SHB: variants seen among roughly 807,000 people sequenced by gnomAD.
SHB encodes the protein SH2 domain containing adaptor protein B.
In SHB, 20 loss-of-function variants were observed where a neutral mutation model predicts 52.3. The observed-to-expected ratio is 0.38, with a 90% CI of 0.27 to 0.56. The LOEUF is 0.56. SHB is among the 20% of genes least tolerant of loss of function. The pLI, the probability that SHB is intolerant of heterozygous loss-of-function variation, is 0.71. For missense variants in SHB, 825 were observed against 723.3 expected (o/e 1.14, Z -1.61); for synonymous variants, 397 against 316.5 (o/e 1.25, Z -2.70).
intron 3 of SHB, among the ~76,000 whole-genome samples, chr9:37,963,663 G>A (rs761828054): frequency 6.6e-6 from 1 of 152,186 alleles, no homozygotes. Flanking sequence ...CTGAGGTGGA[G>A]AGCCCAGAAG....
At chr9:38,005,920 G>A (rs145848923) in intron 2 of SHB, among the ~76,000 whole-genome samples, 33 of 152,202 alleles carry the variant, frequency 2.2e-4, no homozygotes, top group Non-Finnish European at 3.5e-4. Context: ...GGAATAGTTT[G>A]GGGCCCTCCT....
chr9:38,032,611 C>G (rs9696489), intron 1 of SHB, among the ~76,000 whole-genome samples: 15 of 152,248 alleles, frequency 9.9e-5, no homozygotes, highest in African/African-American at 3.4e-4. Flanking sequence ...CTGCCCTGCC[C>G]GGGCCACACC....
intron 1 of SHB, among the ~76,000 whole-genome samples, chr9:38,042,374 G>A (rs1038499283): frequency 4.6e-5 from 7 of 152,164 alleles, no homozygotes; most frequent in Non-Finnish European, 1.0e-4. Context: ...AATTACTGAG[G>A]AGCAGTGTTG....
intron 2 of SHB, among the ~76,000 whole-genome samples, chr9:37,994,612 T>C (rs145821711): frequency 5.3e-5 from 8 of 152,324 alleles, no homozygotes; most frequent in African/African-American, 1.2e-4. Flanking sequence ...ATCAATTTCA[T>C]GGCGCTGTTT....
intron 1 of SHB, among the ~76,000 whole-genome samples, chr9:38,064,974 A>T (rs951036690): frequency 1.2e-4 from 19 of 152,136 alleles, no homozygotes; most frequent in Admixed American, 4.6e-4. Context: ...AAAAAAAATT[A>T]GCCAGGCGTG....
chr9:38,010,342 T>C (rs1821123307), intron 2 of SHB, among the ~76,000 whole-genome samples: 1 of 152,212 alleles, frequency 6.6e-6, no homozygotes, highest in African/African-American at 2.4e-5. Context: ...CCTCTGAGAA[T>C]TCCTAGGGCT....
At chr9:37,992,099 G>A (rs1820888775) in intron 2 of SHB, among the ~76,000 whole-genome samples, 1 of 152,138 alleles carries the variant, frequency 6.6e-6, no homozygotes, top group South Asian at 2.1e-4. Context: ...GGAAAACACT[G>A]AACAATAAAA....
rs1832126983 is a variant in SHB at position 37,918,286 on chromosome 9, T to C, written c.*1535A>G. Reference sequence around the variant, plus strand: ...GGGTGGGTGGAAAAAGCAGGAGAGCTGAGAAACTCTTAGCCTCATCGGGGC... The same window carrying C: ...GGGTGGGTGGAAAAAGCAGGAGAGCCGAGAAACTCTTAGCCTCATCGGGGC... On this transcript the variant is annotated 3_prime_UTR_variant, in exon 6 of 6. Coordinates refer to ENST00000377707, the MANE Select transcript of SHB (RefSeq NM_003028.3). Among the ~76,000 whole-genome samples the C allele has an allele frequency of 6.6e-6, 1 of 152,192 alleles. No homozygotes were observed. Among genetic ancestry groups the C allele is most frequent in the African/African-American group, 2.4e-5 (1 of 41,444 alleles).
chr9:38,058,867 T>G (rs967286354), intron 1 of SHB, among the ~76,000 whole-genome samples: 1 of 152,066 alleles, frequency 6.6e-6, no homozygotes, highest in Non-Finnish European at 1.5e-5. Flanking sequence ...ATCACAACTC[T>G]TAGCAAGGCC....
At chr9:37,950,474 A>G (rs1376935676) in intron 4 of SHB, among the ~76,000 whole-genome samples, 2 of 152,144 alleles carry the variant, frequency 1.3e-5, no homozygotes, top group Non-Finnish European at 2.9e-5. Flanking sequence ...AACTGCAGGG[A>G]AAGAATAAAG....
At chr9:38,026,805 G>A (rs1187705187) in intron 1 of SHB, among the ~76,000 whole-genome samples, 1 of 152,188 alleles carries the variant, frequency 6.6e-6, no homozygotes, top group Non-Finnish European at 1.5e-5. Context: ...AGGGCTTTGC[G>A]ATGTCAAGCA....
At chr9:38,063,593 C>T (rs1191574364) in intron 1 of SHB, among the ~76,000 whole-genome samples, 1 of 152,208 alleles carries the variant, frequency 6.6e-6, no homozygotes, top group East Asian at 1.9e-4. Context: ...AAGTTCAGGC[C>T]CTCCCAACCC....
chr9:38,024,930 T>G (rs1387206201), intron 1 of SHB, among the ~76,000 whole-genome samples: 1 of 152,190 alleles, frequency 6.6e-6, no homozygotes, highest in Non-Finnish European at 1.5e-5. Context: ...CATGCACCAC[T>G]GAAGAAAGTG....
intron 1 of SHB, among the ~76,000 whole-genome samples, chr9:38,035,223 A>G (rs563015538): frequency 6.6e-6 from 1 of 152,146 alleles, no homozygotes; most frequent in East Asian, 1.9e-4. Flanking sequence ...AAGTTCTCAA[A>G]AAGATTTCAA....
rs1832121209 is a variant in SHB at position 37,917,890 on chromosome 9, G to A, written c.*1931C>T. On this transcript the variant is annotated 3_prime_UTR_variant, in exon 6 of 6. Transcript: ENST00000377707. ...GCCTGGGAGGAAGACCCAAGAGGCA[G>A]ACTGGTCACTAAAGGCGGGTCACCA... Among the ~76,000 whole-genome samples, 1 of 152,250 alleles carries A rather than the reference G, an allele frequency of 6.6e-6. No homozygotes were observed. Among genetic ancestry groups the A allele is most frequent in the Admixed American group, 6.5e-5 (1 of 15,290 alleles).
intron 3 of SHB, among the ~76,000 whole-genome samples, chr9:37,956,669 G>A (rs1832639210): frequency 6.6e-6 from 1 of 152,176 alleles, no homozygotes; most frequent in Non-Finnish European, 1.5e-5. Context: ...GCCTGTGGGA[G>A]CATCGTTCAC....
At chr9:37,936,347 C>T (rs1035576852) in intron 5 of SHB, among the ~76,000 whole-genome samples, 4 of 152,214 alleles carry the variant, frequency 2.6e-5, no homozygotes, top group African/African-American at 7.2e-5. Context: ...TGGTTAATCA[C>T]AATTTGGCAT....
At chr9:38,067,286 G>C (rs751516914) in intron 1 of SHB, among the ~76,000 whole-genome samples, 15 of 152,182 alleles carry the variant, frequency 9.9e-5, no homozygotes, top group South Asian at 2.1e-4. Context: ...AGGAACTGAC[G>C]GGTTCGATGA....
chr9:37,980,565 C>T (rs1820712774), intron 2 of SHB, among the ~76,000 whole-genome samples: 3 of 152,206 alleles, frequency 2.0e-5, no homozygotes, highest in Admixed American at 2.0e-4. Flanking sequence ...CTTCCAAACT[C>T]CTGTTAATGT....
Sources: allele counts gnomAD v4.1 joint callset (sites outside exome capture counted in the v4.1 genomes callset), GRCh38; gene constraint gnomAD v4.1.1; transcripts MANE v1.5; gene names NCBI Gene and HGNC (gene_info 2026-07-23, HGNC 2026-07-21).